The following CTSC variants were observed in gnomAD, a reference collection of about 807,000 sequenced individuals.
The protein encoded by CTSC is dipeptidyl peptidase 1.
Under a neutral mutation model 40.9 loss-of-function variants are expected in CTSC, and 37 were observed. That is an observed-to-expected ratio of 0.91 (90% CI 0.70 to 1.19). The LOEUF (loss-of-function observed/expected upper bound fraction) is 1.19. Ranked by LOEUF, CTSC falls within the 50% of genes most tolerant of loss-of-function variation. The probability of loss-of-function intolerance (pLI) is 0.00; values close to 1 mark genes in which losing one functional copy is unlikely to be tolerated. For missense variants in CTSC, 594 were observed against 567.3 expected (o/e 1.05, Z -0.48); for synonymous variants, 232 against 207.4 (o/e 1.12, Z -1.02).
intron 2 of CTSC, among the ~76,000 whole-genome samples, chr11:88,317,330 TAAA>T (rs1192726949): frequency 6.6e-6 from 1 of 152,234 alleles, no homozygotes; most frequent in Non-Finnish European, 1.5e-5. Context: ...TGAGTAATCC[TAAA>T]AAACTACAAC....
intron 2 of CTSC, chr11:88,325,974 CTG>C (rs1938171277): frequency 1.0e-6 from 1 of 1,002,024 alleles, no homozygotes; most frequent in African/African-American, 1.7e-5. Flanking sequence ...GACAGTTAAA[CTG>C]TGAATAAAAT....
Position 88,326,364 on chromosome 11 carries a change from G to A in CTSC, c.318+8573C>T, listed in dbSNP as rs375478636. ...TACAGGTAGGTCCACACTGTCGCAG[G>A]CTGCTCTGTCTCTTAGCCCCAACGT... is the stretch of plus-strand genomic sequence containing the variant. On this transcript the variant is annotated intron_variant, in intron 2 of 6. Transcript: ENST00000227266. 4.9e-4 allele frequency: 791 copies of A among 1,613,830 alleles called. 7 individuals carry two copies. In the South Asian group the frequency reaches 8.2e-3, roughly 17 times the overall value.
intron 2 of CTSC, among the ~76,000 whole-genome samples, chr11:88,317,011 G>A (rs1417895758): frequency 1.3e-5 from 2 of 151,636 alleles, no homozygotes; most frequent in Admixed American, 6.6e-5. Context: ...CTGTCACCCA[G>A]GCTGGAGTGC....
chr11:88,309,980 G>A (rs766644285), intron 3 of CTSC, among the ~76,000 whole-genome samples: 4 of 151,852 alleles, frequency 2.6e-5, no homozygotes, highest in Non-Finnish European at 4.4e-5. Flanking sequence ...AAAGAGAAAA[G>A]CAAAACCTGT....
chr11:88,337,010 T>C (rs1014856088), intron 1 of CTSC, among the ~76,000 whole-genome samples: 1 of 151,358 alleles, frequency 6.6e-6, no homozygotes, highest in Non-Finnish European at 1.5e-5. Flanking sequence ...CTAGTACTCA[T>C]CAACACCCGC....
chr11:88,316,862 C>G (rs1004556426), intron 2 of CTSC, among the ~76,000 whole-genome samples: 1 of 152,170 alleles, frequency 6.6e-6, no homozygotes, highest in African/African-American at 2.4e-5. Flanking sequence ...TGCAAATGTT[C>G]CTCTCCAAAG....
At chr11:88,336,539 C>CAAAA (rs35388709) in intron 1 of CTSC, among the ~76,000 whole-genome samples, 2 of 87,422 alleles carry the variant, frequency 2.3e-5, no homozygotes, top group South Asian at 3.4e-4. Flanking sequence ...ACTCCATTCT[C>CAAAA]AAAAAAAAAA....
At chr11:88,297,834 A>G (rs1477241005) in intron 5 of CTSC, 1 of 152,264 alleles carries the variant, frequency 6.6e-6, no homozygotes, top group Non-Finnish European at 1.5e-5. Context: ...CTGCAATGCA[A>G]TAAAGAATAA....
intron 2 of CTSC, among the ~76,000 whole-genome samples, chr11:88,316,052 C>T (rs983569936): frequency 2.0e-5 from 3 of 151,694 alleles, no homozygotes; most frequent in African/African-American, 7.3e-5. Flanking sequence ...TCATGAGTCA[C>T]GTTCAAATTG....
At chr11:88,300,801 A>G (rs903979334) in intron 4 of CTSC, among the ~76,000 whole-genome samples, 156 bp from the exon 5 acceptor site, 3 of 152,048 alleles carry the variant, frequency 2.0e-5, no homozygotes, top group African/African-American at 4.8e-5. Flanking sequence ...CAATGTGTCA[A>G]TTACACAATG....
At position 88,326,305 on chromosome 11, in the gene CTSC, G is replaced by A. The variant is rs981396122; in HGVS notation, c.318+8632C>T. 1.7e-5 allele frequency: 27 copies of A among 1,612,260 alleles called. 1 individual carries two copies. In the South Asian group the frequency reaches 2.6e-4, roughly 16 times the overall value. On this transcript the variant is annotated intron_variant, in intron 2 of 6. Transcript: ENST00000227266. ...TTGCATGCAAATAAAGACTCCAGAAGGGACTGTAGCTGCTAGAGGCCTTTG... is the reference window on the plus strand; with the variant it reads ...TTGCATGCAAATAAAGACTCCAGAAAGGACTGTAGCTGCTAGAGGCCTTTG...
intron 5 of CTSC, chr11:88,298,471 C>T (rs1376383901): frequency 6.6e-6 from 1 of 152,170 alleles, no homozygotes; most frequent in Non-Finnish European, 1.5e-5. Flanking sequence ...TCTCTGACTA[C>T]AGAAAAGCTG....
intron 1 of CTSC, among the ~76,000 whole-genome samples, chr11:88,336,896 C>G (rs1313292703): frequency 6.6e-6 from 1 of 152,168 alleles, no homozygotes; most frequent in Non-Finnish European, 1.5e-5. Flanking sequence ...CTGGGCATTT[C>G]TAATTACTAG....
Position 88,309,151 on chromosome 11 carries a change from G to C in CTSC, c.641+12C>G. ...CATATTTTTATTAATGATAAAATGTGTGCTTGATTACCTTGGGATTTTTCG... is the reference window on the plus strand; with the variant it reads ...CATATTTTTATTAATGATAAAATGTCTGCTTGATTACCTTGGGATTTTTCG... On this transcript the variant is annotated intron_variant, in intron 4 of 6. Transcript: ENST00000227266. 1 of 1,611,796 alleles carries C rather than the reference G, an allele frequency of 6.2e-7. No individual in the cohort carries two copies. The highest frequency in any genetic ancestry group is 8.5e-7 in the Non-Finnish European group (1 of 1,178,046).
At chr11:88,297,539 C>T (rs999572852) in intron 5 of CTSC, 1 of 152,156 alleles carries the variant, frequency 6.6e-6, no homozygotes, top group African/African-American at 2.4e-5. Context: ...TTCTGACCAC[C>T]CAGCTTTCTT....
chr11:88,336,076 T>C (rs1317870289), intron 1 of CTSC, among the ~76,000 whole-genome samples: 1 of 152,146 alleles, frequency 6.6e-6, no homozygotes, highest in African/African-American at 2.4e-5. Flanking sequence ...GGTAATTTTA[T>C]AGGCAGAGCC....
intron 2 of CTSC, among the ~76,000 whole-genome samples, chr11:88,331,630 A>G (rs1373179557): frequency 6.6e-6 from 1 of 152,128 alleles, no homozygotes; most frequent in African/African-American, 2.4e-5. Context: ...TTGGGCTTTT[A>G]TGGAGCGTTC....
At chr11:88,320,964 A>T in intron 2 of CTSC, 5 of 985,092 alleles carry the variant, frequency 5.1e-6, no homozygotes, top group Non-Finnish European at 4.8e-6. Context: ...ACAAACAGGC[A>T]ATTATGACAC....
intron 2 of CTSC, among the ~76,000 whole-genome samples, chr11:88,317,051 C>T (rs1937896450): frequency 6.6e-6 from 1 of 152,098 alleles, no homozygotes; most frequent in Non-Finnish European, 1.5e-5. Flanking sequence ...ACTGCAACCT[C>T]CGTCTTCCGG....
Sources: gnomAD v4.1 joint callset for allele counts (sites outside exome capture counted in the v4.1 genomes callset) on GRCh38, gnomAD v4.1.1 for gene constraint, MANE v1.5 for transcripts, NCBI Gene and HGNC (gene_info 2026-07-23, HGNC 2026-07-21) for gene names.